HPSE2: variants seen among roughly 807,000 people sequenced by gnomAD.
HPSE2 encodes heparanase 2 (inactive), also known as inactive heparanase-2.
HPSE2 carries 38 observed loss-of-function variants against 60.5 expected under a neutral mutation model. The observed-to-expected ratio is 0.63, with a 90% CI of 0.48 to 0.82. The LOEUF is 0.82. Ranked by LOEUF, HPSE2 falls within the 40% of genes least tolerant of loss-of-function variation. The pLI is 0.00. For synonymous variants in HPSE2, 295 were observed against 293.2 expected (o/e 1.01, Z -0.06); for missense variants, 713 against 740.4 (o/e 0.96, Z 0.43).
At chr10:99,068,850 C>A (rs1415283320) in intron 3 of HPSE2, among the ~76,000 whole-genome samples, 2 of 151,780 alleles carry the variant, frequency 1.3e-5, no homozygotes, top group African/African-American at 4.8e-5. Flanking sequence ...AAATTTATGC[C>A]AATAAATTAG....
intron 9 of HPSE2, among the ~76,000 whole-genome samples, chr10:98,607,694 T>G (rs576444488): frequency 2.3e-4 from 35 of 152,332 alleles, no homozygotes; most frequent in African/African-American, 8.2e-4. Flanking sequence ...GCTAGAAAAT[T>G]ATAAAAAGTT....
chr10:98,793,326 C>T (rs937286235), intron 3 of HPSE2, among the ~76,000 whole-genome samples: 1 of 152,200 alleles, frequency 6.6e-6, no homozygotes, highest in Non-Finnish European at 1.5e-5. Flanking sequence ...AGGCACTTTG[C>T]TATCATAAAA....
intron 3 of HPSE2, among the ~76,000 whole-genome samples, chr10:99,031,573 T>C (rs1390499556): frequency 6.6e-6 from 1 of 152,148 alleles, no homozygotes; most frequent in Non-Finnish European, 1.5e-5. Context: ...GGGATAGAAT[T>C]TGAGCCTGGA....
At chr10:98,862,057 C>T (rs915500213) in intron 3 of HPSE2, among the ~76,000 whole-genome samples, 8 of 152,136 alleles carry the variant, frequency 5.3e-5, no homozygotes, top group Admixed American at 2.0e-4. Flanking sequence ...GGTTAACAGA[C>T]ACAACAAGAA....
chr10:98,580,675 C>G (rs968745329), intron 9 of HPSE2, among the ~76,000 whole-genome samples: 1 of 152,076 alleles, frequency 6.6e-6, no homozygotes, highest in Admixed American at 6.6e-5. Context: ...TCAACAGACA[C>G]TTTCCAGTAT....
intron 9 of HPSE2, among the ~76,000 whole-genome samples, chr10:98,574,764 G>C (rs1252066847): frequency 6.6e-6 from 1 of 152,166 alleles, no homozygotes; most frequent in Admixed American, 6.5e-5. Context: ...AGGGAAGTAG[G>C]TAGGAAGACT....
At position 98,848,864 on chromosome 10, in the gene HPSE2, C is replaced by T. The variant is rs1174844244; in HGVS notation, c.611-104808G>A. 2.0e-5 allele frequency among the ~76,000 whole-genome samples: 3 copies of T among 152,112 alleles called. No homozygotes were observed. The East Asian group carries it at 5.8e-4, about 29-fold the overall frequency. On this transcript the variant is annotated intron_variant, in intron 3 of 11. Coordinates refer to ENST00000370552, the MANE Select transcript of HPSE2 (RefSeq NM_021828.5). ...CTTCTGTGCTCCCTTCTGTCCTTAC[C>T]CTTGCTGCTTTCCCCTCTTTCTTTA...
chr10:98,487,199 G>A (rs1042231385), intron 10 of HPSE2, among the ~76,000 whole-genome samples: 3 of 152,206 alleles, frequency 2.0e-5, no homozygotes, highest in African/African-American at 7.2e-5. Flanking sequence ...CAAGAAGATC[G>A]AGGATGAGAA....
rs770699941 is a variant in HPSE2 at position 99,072,927 on chromosome 10, C to CAAAAAAAAAAAAAAAAAAA, written c.610+71292_610+71310dup. Among the ~76,000 whole-genome samples, 2 of 88,036 alleles carry CAAAAAAAAAAAAAAAAAAA rather than the reference C, an allele frequency of 2.3e-5. 1 individual carries two copies. The highest frequency in any genetic ancestry group is 1.3e-4 in the African/African-American group (2 of 15,560). The allele number at this position is 88,036 out of a possible 152,430, so 57.8% of individuals were successfully genotyped here. A position where few individuals can be genotyped will look rare whatever the true frequency, so the allele number is the denominator to read the frequency against. On this transcript the variant is annotated intron_variant, in intron 3 of 11. Coordinates refer to ENST00000370552, the MANE Select transcript of HPSE2 (RefSeq NM_021828.5). Reference sequence around the variant, plus strand: ...CTGGTGACAGAGCCAGGCTCCGTCTCAAAAAAAAAAAAAAAAAAAAAAAAA... The same window carrying CAAAAAAAAAAAAAAAAAAA: ...CTGGTGACAGAGCCAGGCTCCGTCTCAAAAAAAAAAAAAAAAAAAAAAAAAAAAAAAAAAAAAAAAAAAA...
intron 3 of HPSE2, among the ~76,000 whole-genome samples, chr10:98,916,560 C>G (rs1442224633): frequency 6.6e-6 from 1 of 152,182 alleles, no homozygotes; most frequent in Non-Finnish European, 1.5e-5. Flanking sequence ...GGTAAACAAG[C>G]TGATAAAATC....
At chr10:98,689,751 CTGATCTTCT>C (rs1215298423) in intron 6 of HPSE2, among the ~76,000 whole-genome samples, 1 of 152,142 alleles carries the variant, frequency 6.6e-6, no homozygotes, top group East Asian at 1.9e-4. Flanking sequence ...AAATGAATGA[CTGATCTTCT>C]TGTTCTTGTG....
At chr10:99,156,871 T>C (rs1046228350) in intron 2 of HPSE2, among the ~76,000 whole-genome samples, 1,689 of 84,988 alleles carry the variant, frequency 0.02, 136 homozygotes, top group African/African-American at 0.044. Context: ...CAGCCCGAAA[T>C]CTCCTTAAGC....
intron 3 of HPSE2, among the ~76,000 whole-genome samples, chr10:98,854,653 T>C (rs767655110): frequency 2.0e-5 from 3 of 152,114 alleles, no homozygotes; most frequent in Non-Finnish European, 4.4e-5. Flanking sequence ...GGAGTTGAAA[T>C]TCTGGTAGAG....
intron 2 of HPSE2, among the ~76,000 whole-genome samples, chr10:99,187,109 T>C (rs185421198): frequency 4.0e-5 from 6 of 151,844 alleles, no homozygotes; most frequent in South Asian, 4.2e-4. Flanking sequence ...TAAAAGAAAA[T>C]TGAATAATAT....
chr10:98,620,635 T>G lies in HPSE2; in HGVS notation c.1172A>C (p.Asn391Thr). Residue 391 changes from asparagine (N) to threonine (T), a missense_variant, in exon 8 of 12, where the codon AAC becomes ACC. Asn to Thr is a moderately conservative substitution (Grantham distance 65). Transcript: ENST00000370552. ...GVVTTSAGGT[N>T]NLSDSYAAGF... is the part of the protein sequence containing the mutation. ...TGCAGCATAGGAATCGGATAGATTG[T>G]TTGTGCCTCCAGCTGAGGTGGTCAC... The G allele has an allele frequency of 6.2e-7, 1 of 1,614,082 alleles. No homozygotes were observed. Among genetic ancestry groups the G allele is most frequent in the Non-Finnish European group, 8.5e-7 (1 of 1,179,976 alleles).
intron 3 of HPSE2, among the ~76,000 whole-genome samples, chr10:99,135,988 C>T (rs941456911): frequency 2.0e-5 from 3 of 152,008 alleles, no homozygotes; most frequent in African/African-American, 7.2e-5. Flanking sequence ...ACATAGACCA[C>T]TAGCCAGGCT....
the HPSE2 span, among the ~76,000 whole-genome samples, chr10:99,288,051 G>GA: frequency 6.6e-6 from 1 of 152,094 alleles, no homozygotes; most frequent in Admixed American, 6.5e-5. Flanking sequence ...AATTTGAGTT[G>GA]AAAAAATGTA....
At chr10:99,220,442 G>A (rs1302578380) in intron 2 of HPSE2, among the ~76,000 whole-genome samples, 2 of 152,120 alleles carry the variant, frequency 1.3e-5, no homozygotes, top group Non-Finnish European at 2.9e-5. Context: ...ATATACTTCT[G>A]TATGCATGGC....
chr10:98,548,339 G>T (rs1175852470), intron 9 of HPSE2, among the ~76,000 whole-genome samples: 1 of 152,152 alleles, frequency 6.6e-6, no homozygotes, highest in Non-Finnish European at 1.5e-5. Flanking sequence ...AGATGAGACT[G>T]GGTGCGGTGG....
Sources: gnomAD v4.1 joint callset for allele counts (sites outside exome capture counted in the v4.1 genomes callset) on GRCh38, gnomAD v4.1.1 for gene constraint, MANE v1.5 for transcripts, NCBI Gene and HGNC (gene_info 2026-07-23, HGNC 2026-07-21) for gene names.